Variants in PLXDC2 observed in about 807,000 individuals in gnomAD.
PLXDC2 encodes plexin domain containing 2.
PLXDC2 carries 40 observed loss-of-function variants against 68.9 expected under a neutral mutation model. That is an observed-to-expected ratio of 0.58 (90% CI 0.45 to 0.76). The LOEUF (loss-of-function observed/expected upper bound fraction) is 0.76. Ranked by LOEUF, PLXDC2 falls within the 30% of genes least tolerant of loss-of-function variation. The pLI, the probability that PLXDC2 is intolerant of heterozygous loss-of-function variation, is 0.00. For synonymous variants in PLXDC2, 243 were observed against 234.2 expected (o/e 1.04, Z -0.34); for missense variants, 644 against 661.9 (o/e 0.97, Z 0.30).
At position 20,280,501 on chromosome 10, in the gene PLXDC2, A is replaced by G. The variant is rs1281158277; in HGVS notation, c.*682A>G. ...TTCCTTTGTAATGAATGACCTTTCTATGAGCTGTGACAAAATTTCCGAACA... is the reference window on the plus strand; with the variant it reads ...TTCCTTTGTAATGAATGACCTTTCTGTGAGCTGTGACAAAATTTCCGAACA... On this transcript the variant is annotated 3_prime_UTR_variant, in exon 14 of 14. Coordinates refer to ENST00000377252, the MANE Select transcript of PLXDC2 (RefSeq NM_032812.9). 6.6e-6 allele frequency: 1 copy of G among 152,130 alleles called. No homozygotes were observed. The highest frequency in any genetic ancestry group is 1.5e-5 in the Non-Finnish European group (1 of 68,028). 9.4% of individuals were successfully genotyped at this position (152,130 alleles called of 1,614,324 possible). A position where few individuals can be genotyped will look rare whatever the true frequency, so the allele number is the denominator to read the frequency against.
chr10:20,226,361 C>T (rs1409560729), intron 12 of PLXDC2, among the ~76,000 whole-genome samples: 1 of 152,168 alleles, frequency 6.6e-6, no homozygotes, highest in African/African-American at 2.4e-5. Context: ...CAACACAATT[C>T]TTCTTTTTCC....
rs547356014 is a variant in PLXDC2, at chr10:19,999,447, T to C, written c.113-2328T>C. Among the ~76,000 whole-genome samples the C allele has an allele frequency of 3.4e-4, 52 of 151,910 alleles. 2 individuals are homozygous for C. In the South Asian group the frequency reaches 0.01, roughly 31 times the overall value. On this transcript the variant is annotated intron_variant, in intron 1 of 13. Transcript: ENST00000377252. ...ACTGATAGGCCTCTGGTTGACACCA[T>C]TGCCTTAGTGTGTATGTTTTTTAAA...
At chr10:20,110,507 G>T (rs1357913008) in intron 4 of PLXDC2, among the ~76,000 whole-genome samples, 1 of 151,630 alleles carries the variant, frequency 6.6e-6, no homozygotes, top group African/African-American at 2.4e-5. Context: ...CCTTTTTTTG[G>T]AAATCACCTT....
Position 20,238,060 on chromosome 10 carries a change from G to A in PLXDC2, c.1313-7285G>A, listed in dbSNP as rs1835457686. Among the ~76,000 whole-genome samples, 2 of 151,816 alleles carry A rather than the reference G, an allele frequency of 1.3e-5. 1 individual carries two copies. The highest frequency in any genetic ancestry group is 4.1e-4 in the South Asian group (2 of 4,820). On this transcript the variant is annotated intron_variant, in intron 12 of 13. Transcript: ENST00000377252. ...TAAATACAGAATATCAATGCCATAT[G>A]CAAGTAAATCCTAAGGGAAAATAAC... is the stretch of plus-strand genomic sequence containing the variant.
chr10:19,913,088 A>T (rs1319094162), intron 1 of PLXDC2, among the ~76,000 whole-genome samples: 1 of 152,200 alleles, frequency 6.6e-6, no homozygotes, highest in Non-Finnish European at 1.5e-5. Context: ...ATACACAATG[A>T]ATTGAATCCC....
intron 1 of PLXDC2, among the ~76,000 whole-genome samples, chr10:19,849,606 G>C: frequency 6.6e-6 from 1 of 151,974 alleles, no homozygotes; most frequent in East Asian, 1.9e-4. Flanking sequence ...CCTTGCCACT[G>C]CCGTGTGAAG....
chr10:20,263,982 A>G (rs1263302109), intron 13 of PLXDC2, among the ~76,000 whole-genome samples: 3 of 152,178 alleles, frequency 2.0e-5, no homozygotes, highest in Admixed American at 6.5e-5. Flanking sequence ...CAAGAGGAAT[A>G]TAAAGCATTC....
intron 13 of PLXDC2, among the ~76,000 whole-genome samples, chr10:20,261,683 C>T (rs1294915154): frequency 6.6e-6 from 1 of 152,114 alleles, no homozygotes; most frequent in African/African-American, 2.4e-5. Flanking sequence ...GGAGAAACCC[C>T]GTCTCTACTG....
intron 3 of PLXDC2, among the ~76,000 whole-genome samples, chr10:20,054,760 G>A (rs1242267973): frequency 6.6e-6 from 1 of 151,930 alleles, no homozygotes; most frequent in Admixed American, 6.6e-5. Flanking sequence ...GTTAAATGAC[G>A]AGTTGATGGG....
chr10:20,014,105 A>G (rs1434704535), intron 2 of PLXDC2, among the ~76,000 whole-genome samples: 2 of 152,200 alleles, frequency 1.3e-5, no homozygotes, highest in East Asian at 1.9e-4. Flanking sequence ...TCAAAACTCT[A>G]TGGAAAGTAA....
intron 5 of PLXDC2, 112 bp from the exon 6 acceptor site, chr10:20,147,672 A>G (rs1418986941): frequency 7.7e-6 from 5 of 646,124 alleles, no homozygotes; most frequent in East Asian, 5.1e-5. Flanking sequence ...TCGAAATAGT[A>G]CAACTACCAG....
At chr10:20,110,249 GA>G (rs1364593074) in intron 4 of PLXDC2, among the ~76,000 whole-genome samples, 1 of 152,026 alleles carries the variant, frequency 6.6e-6, no homozygotes, top group Non-Finnish European at 1.5e-5. Context: ...AGGAATTGGA[GA>G]AAAAGAATGA....
intron 5 of PLXDC2, among the ~76,000 whole-genome samples, chr10:20,146,103 T>A (rs992418366): frequency 2.0e-5 from 3 of 152,200 alleles, no homozygotes; most frequent in Admixed American, 1.3e-4. Flanking sequence ...AGAGACAAGA[T>A]GCAAGTCTAA....
At chr10:20,022,280 A>G (rs566586962) in intron 2 of PLXDC2, among the ~76,000 whole-genome samples, 2 of 152,346 alleles carry the variant, frequency 1.3e-5, no homozygotes, top group South Asian at 4.1e-4. Context: ...TGAAGCAGAT[A>G]CAAATGGAGT....
intron 1 of PLXDC2, among the ~76,000 whole-genome samples, chr10:19,851,995 A>G (rs563863546): frequency 1.1e-4 from 16 of 152,322 alleles, no homozygotes; most frequent in African/African-American, 3.6e-4. Flanking sequence ...CAGGCCACAG[A>G]AAGGTAATCT....
At chr10:20,054,710 G>A (rs1835964005) in intron 3 of PLXDC2, among the ~76,000 whole-genome samples, 1 of 152,042 alleles carries the variant, frequency 6.6e-6, no homozygotes, top group Admixed American at 6.6e-5. Context: ...TTGTGAGGTG[G>A]GGTGAGGGGG....
At chr10:20,215,228 A>G (rs16920113) in intron 10 of PLXDC2, among the ~76,000 whole-genome samples, 27,341 of 147,828 alleles carry the variant, frequency 0.18, 3,004 homozygotes, top group East Asian at 0.44. Context: ...CATCTGCACC[A>G]TAGGCTGATG....
At chr10:20,163,436 C>A (rs2358854) in intron 6 of PLXDC2, among the ~76,000 whole-genome samples, 132,708 of 151,936 alleles carry the variant, frequency 0.87, 58,259 homozygotes, top group Non-Finnish European at 0.91. Context: ...TATTCTCTCC[C>A]ACTTATTATA....
intron 2 of PLXDC2, among the ~76,000 whole-genome samples, chr10:20,006,180 GA>G (rs113606782): frequency 1.2e-4 from 18 of 145,442 alleles, no homozygotes; most frequent in African/African-American, 3.5e-4. Context: ...CTCAGTCTAA[GA>G]AAAAAAAAAG....
Sources: allele counts gnomAD v4.1 joint callset (sites outside exome capture counted in the v4.1 genomes callset), GRCh38; gene constraint gnomAD v4.1.1; transcripts MANE v1.5; gene names NCBI Gene and HGNC (gene_info 2026-07-23, HGNC 2026-07-21).